ENOX2: variants seen among roughly 807,000 people sequenced by gnomAD.
The protein encoded by ENOX2 is APK1 antigen.
A neutral mutation model predicts 45.0 loss-of-function variants in ENOX2; 36 were observed. The observed-to-expected ratio is 0.80, with a 90% CI of 0.61 to 1.06. The LOEUF (loss-of-function observed/expected upper bound fraction) is 1.06. ENOX2 is among the 50% of genes least tolerant of loss of function. ENOX2 has a pLI of 0.00. For synonymous variants in ENOX2, 174 were observed against 152.3 expected, an observed-to-expected ratio of 1.14 and a Z score of -1.05; for missense variants, 423 against 462.5, an observed-to-expected ratio of 0.91 and a Z score of 0.78.
chrX:130,816,529 C>T (rs771198195), intron 2 of ENOX2, among the ~76,000 whole-genome samples: 1 of 111,700 alleles, frequency 9.0e-6, no homozygotes, highest in South Asian at 3.8e-4. Context: ...TAAAACACTC[C>T]TCAGCAAATG....
intron 13 of ENOX2, among the ~76,000 whole-genome samples, chrX:130,629,285 T>C (rs993895836): frequency 8.9e-6 from 1 of 112,853 alleles, no homozygotes; most frequent in African/African-American, 3.2e-5. Flanking sequence ...CTAGACGTCT[T>C]GGCCAAGAAA....
intron 9 of ENOX2, among the ~76,000 whole-genome samples, chrX:130,661,089 G>A (rs1429282390): frequency 8.9e-6 from 1 of 111,988 alleles, no homozygotes; most frequent in East Asian, 2.8e-4. Flanking sequence ...AAAAATGTAT[G>A]TGGATTTAAA....
intron 3 of ENOX2, among the ~76,000 whole-genome samples, chrX:130,757,860 T>C (rs1273146817): frequency 9.0e-6 from 1 of 110,625 alleles, no homozygotes; most frequent in African/African-American, 3.3e-5. Context: ...CAGCCTCTCC[T>C]GTAGGTGGGA....
In ENOX2 at chrX:130,749,273, A is replaced by T. The variant is rs183862492; in HGVS notation, c.-39+34274T>A. ...GTTAAACTTCTTGGCACTGCGGCTG[A>T]ATATTAAGTAGAAACATCTTAGGGA... On this transcript the variant is annotated intron_variant, in intron 3 of 14. Coordinates refer to ENST00000394363, the MANE Select transcript of ENOX2 (RefSeq NM_006375.4). 1.9e-4 allele frequency among the ~76,000 whole-genome samples: 21 copies of T among 111,857 alleles called. No homozygotes were observed. In the East Asian group the frequency reaches 5.9e-3, roughly 31 times the overall value.
chrX:130,637,802 A>C (rs1006515286), intron 10 of ENOX2, among the ~76,000 whole-genome samples: 1 of 111,923 alleles, frequency 8.9e-6, no homozygotes, highest in Admixed American at 9.4e-5. Flanking sequence ...TTAACCTCGG[A>C]ATTTCCTGCT....
At chrX:130,902,898 G>A (rs777015350) in intron 1 of ENOX2, among the ~76,000 whole-genome samples, 151 bp downstream of exon 1, 1 of 102,051 alleles carries the variant, frequency 9.8e-6, no homozygotes, top group South Asian at 4.8e-4. Context: ...GCCCACCCCC[G>A]ACTCCCAGTC....
At chrX:130,740,309 A>G (rs5977364) in intron 3 of ENOX2, among the ~76,000 whole-genome samples, 221 of 110,847 alleles carry the variant, frequency 2.0e-3, no homozygotes, top group African/African-American at 7.0e-3. Flanking sequence ...GCTGAGGCAC[A>G]AGAATCACTT....
chrX:130,661,138 C>T (rs769547589), intron 9 of ENOX2, among the ~76,000 whole-genome samples: 1 of 110,733 alleles, frequency 9.0e-6, no homozygotes, highest in South Asian at 3.9e-4. Context: ...ACATGATTAC[C>T]AGACAAATCA....
At chrX:130,831,782 A>G (rs903512360) in intron 2 of ENOX2, among the ~76,000 whole-genome samples, 1 of 111,598 alleles carries the variant, frequency 9.0e-6, no homozygotes. Context: ...GTAAAGCTCA[A>G]TGAGGGCAGC....
At position 130,625,405 on chromosome X, in the gene ENOX2, T is replaced by C. The variant is rs772760401; in HGVS notation, c.1655A>G (p.Gln552Arg). 1 of 1,210,388 alleles carries C rather than the reference T, an allele frequency of 8.3e-7. No individual in the cohort carries two copies. The highest frequency in any genetic ancestry group is 3.0e-5 in the East Asian group (1 of 33,824). Reference protein sequence around the residue: ...SDVECLMGRLQHTFKQEMTGV... With the variant: ...SDVECLMGRLRHTFKQEMTGV... ...AGTCATTTCCTGCTTGAAGGTATGC[T>C]GGAGTCTACCCATGAGACACTCCAC... The change falls in exon 15 of 15, where the codon CAG (glutamine) becomes CGG (arginine). Residue 552 changes from glutamine (Q) to arginine (R), a missense_variant. By Grantham distance (43) the Gln-to-Arg change is conservative. Coordinates refer to ENST00000394363, the MANE Select transcript of ENOX2 (RefSeq NM_006375.4).
chrX:130,702,951 T>C (rs1241679767), intron 4 of ENOX2, among the ~76,000 whole-genome samples, 169 bp downstream of exon 4: 2 of 112,162 alleles, frequency 1.8e-5, no homozygotes, highest in African/African-American at 3.2e-5. Context: ...AAACGGAGTA[T>C]ACTAGTAACT....
At chrX:130,728,599 C>A (rs1008447164) in intron 3 of ENOX2, among the ~76,000 whole-genome samples, 4 of 111,057 alleles carry the variant, frequency 3.6e-5, no homozygotes, top group Non-Finnish European at 5.7e-5. Flanking sequence ...TTCTTACTGG[C>A]CAATCCCCTG....
intron 9 of ENOX2, among the ~76,000 whole-genome samples, chrX:130,657,101 T>C (rs1428949891): frequency 1.8e-5 from 2 of 112,181 alleles, no homozygotes; most frequent in Non-Finnish European, 3.8e-5. Flanking sequence ...TTTATAGTTT[T>C]ACTCAACATA....
chrX:130,649,690 AT>A (rs1287997224), intron 10 of ENOX2, among the ~76,000 whole-genome samples: 1 of 112,014 alleles, frequency 8.9e-6, no homozygotes, highest in Non-Finnish European at 1.9e-5. Flanking sequence ...TTTATTATTA[AT>A]TTTAATTCTT....
rs895414265 is a variant in ENOX2, at chrX:130,628,021, A to G, written c.1551T>C (p.His517=). ...LLVGIISTFL[H]VHPFGASIEY... The stretch of plus-strand genomic sequence containing the variant: ...CAATGCTTGCTCCAAATGGGTGAAC[A>G]TGAAGGAATGTGGAGATAATCCCTA... Residue 517 remains histidine, a synonymous_variant, in exon 14 of 15, where the codon CAT becomes CAC. Transcript: ENST00000394363. The G allele has an allele frequency of 4.2e-6, 5 of 1,200,095 alleles. No individual in the cohort carries two copies. The highest frequency in any genetic ancestry group is 1.7e-5 in the African/African-American group (1 of 57,692).
intron 10 of ENOX2, among the ~76,000 whole-genome samples, chrX:130,646,655 C>CACT (rs2036244842): frequency 1.8e-5 from 2 of 112,272 alleles, no homozygotes; most frequent in Admixed American, 9.4e-5. Flanking sequence ...GACTTGTGTT[C>CACT]GTTGGGGACT....
At chrX:130,750,917 T>A (rs995506016) in intron 3 of ENOX2, among the ~76,000 whole-genome samples, 11 of 111,140 alleles carry the variant, frequency 9.9e-5, no homozygotes, top group African/African-American at 3.6e-4. Context: ...CATATCTCTC[T>A]CATTCTATAA....
At chrX:130,888,398 G>A (rs866776187) in intron 2 of ENOX2, among the ~76,000 whole-genome samples, 1 of 111,944 alleles carries the variant, frequency 8.9e-6, no homozygotes, top group Non-Finnish European at 1.9e-5. Flanking sequence ...TGGGTATCAG[G>A]AAACCTGGGT....
intron 5 of ENOX2, among the ~76,000 whole-genome samples, chrX:130,683,932 C>T (rs1447942175): frequency 9.0e-6 from 1 of 111,597 alleles, no homozygotes; most frequent in Non-Finnish European, 1.9e-5. Context: ...CTTTTTAGAC[C>T]AGGTCTGATT....
Sources: gnomAD v4.1 joint callset for allele counts (sites outside exome capture counted in the v4.1 genomes callset) on GRCh38, gnomAD v4.1.1 for gene constraint, MANE v1.5 for transcripts, NCBI Gene and HGNC (gene_info 2026-07-23, HGNC 2026-07-21) for gene names.